Variants in ZNF185 observed in about 807,000 individuals in gnomAD.
ZNF185 encodes the protein zinc finger protein 185 with LIM domain, also known as zinc finger protein 185.
A neutral mutation model predicts 58.6 loss-of-function variants in ZNF185; 56 were observed. The ratio of observed to expected loss-of-function variants is 0.95; its 90% CI spans 0.77 to 1.19. The LOEUF is 1.19. Ranked by LOEUF, ZNF185 falls within the 50% of genes most tolerant of loss-of-function variation. ZNF185 has a pLI of 0.00. For synonymous variants in ZNF185, 230 were observed against 215.9 expected, an observed-to-expected ratio of 1.07 and a Z score of -0.57; for missense variants, 627 against 573.5, an observed-to-expected ratio of 1.09 and a Z score of -0.95.
chrX:152,901,272 C>T, the ZNF185 span, among the ~76,000 whole-genome samples: 1 of 100,335 alleles, frequency 1.0e-5, no homozygotes, highest in Admixed American at 1.1e-4. Context: ...GCTGGGGTCT[C>T]GCCTTGTCAC....
At chrX:152,953,297 T>C (rs181786788) in intron 16 of ZNF185, among the ~76,000 whole-genome samples, 2 of 112,133 alleles carry the variant, frequency 1.8e-5, no homozygotes, top group South Asian at 3.7e-4. Context: ...GGAAGAGTTC[T>C]GTCTGCGAAG....
intron 15 of ZNF185, among the ~76,000 whole-genome samples, chrX:152,944,519 G>T (rs2047576344): frequency 8.9e-6 from 1 of 112,487 alleles, no homozygotes. Flanking sequence ...GCACCTCGGT[G>T]TGGGGCTGGT....
chrX:152,945,889 CAG>C (rs1176339345), intron 16 of ZNF185, among the ~76,000 whole-genome samples: 1 of 111,544 alleles, frequency 9.0e-6, no homozygotes, highest in African/African-American at 3.3e-5. Flanking sequence ...GCAAAAGTGA[CAG>C]AGTGAAGCAG....
chrX:152,929,559 AC>A (rs1196313315), intron 12 of ZNF185, among the ~76,000 whole-genome samples: 1 of 110,538 alleles, frequency 9.0e-6, no homozygotes, highest in Non-Finnish European at 1.9e-5. Context: ...AGGTCCCTTT[AC>A]CCTCCTCCTT....
intron 3 of ZNF185, among the ~76,000 whole-genome samples, chrX:152,915,874 C>T (rs1938354918): frequency 8.9e-6 from 1 of 112,169 alleles, no homozygotes. Flanking sequence ...AAACAGCCGG[C>T]AGGCGGCTTC....
rs781896733 is a variant in ZNF185 at position 152,963,822 on chromosome X, C to G, written c.1608-17C>G. 36 of 1,200,295 alleles carry G rather than the reference C, an allele frequency of 3.0e-5. No individual in the cohort carries two copies. The Admixed American group carries it at 4.9e-4, about 16-fold the overall frequency. On this transcript the variant is annotated splice_polypyrimidine_tract_variant and intron_variant, in intron 17 of 22. Coordinates refer to ENST00000449285, the Ensembl canonical transcript of ZNF185. The stretch of plus-strand genomic sequence containing the variant: ...CTCCCAGGTTGACGTGCCCACCCCT[C>G]CCTTTATTTCTTTCAGGGTGAGGAG...
At chrX:152,922,115 C>T in intron 9 of ZNF185, 58 bp from the exon 11 acceptor site, 1 of 1,125,044 alleles carries the variant, frequency 8.9e-7, no homozygotes, top group Non-Finnish European at 1.2e-6. Context: ...TCTTTGAGGC[C>T]TCCAAGCTCT....
rs781855472 is a variant in ZNF185, at chrX:152,922,272, C to T, written c.740+16C>T. The T allele has an allele frequency of 4.2e-5, 49 of 1,162,178 alleles. No individual in the cohort carries two copies. The South Asian group carries it at 9.0e-4, about 21-fold the overall frequency. Reference sequence around the variant, plus strand: ...GCTCAAACAGGTAATCCATTGCGCTCATCTCTGCCTGGGGCTGGTGGCTGC... The same window carrying T: ...GCTCAAACAGGTAATCCATTGCGCTTATCTCTGCCTGGGGCTGGTGGCTGC... On this transcript the variant is annotated intron_variant, in intron 10 of 22. Coordinates refer to ENST00000449285, the Ensembl canonical transcript of ZNF185.
chrX:152,920,655 T>C, intron 8 of ZNF185, 52 bp from the exon 10 acceptor site: 1 of 1,207,342 alleles, frequency 8.3e-7, no homozygotes, highest in East Asian at 3.0e-5. Flanking sequence ...GGTCTTGATG[T>C]CACCTGCCCA....
chrX:152,921,370 G>A (rs1382565515), intron 9 of ZNF185, among the ~76,000 whole-genome samples: 1 of 111,295 alleles, frequency 9.0e-6, no homozygotes, highest in African/African-American at 3.3e-5. Context: ...GCTGGGGACT[G>A]CAAACCCAAG....
At chrX:152,929,027 T>C (rs1556875048) in intron 12 of ZNF185, among the ~76,000 whole-genome samples, 1 of 110,694 alleles carries the variant, frequency 9.0e-6, no homozygotes, top group Non-Finnish European at 1.9e-5. Context: ...AGCTCAACCC[T>C]GCCAATTGCT....
At chrX:152,957,018 T>A (rs34181726) in intron 16 of ZNF185, among the ~76,000 whole-genome samples, 2 of 110,177 alleles carry the variant, frequency 1.8e-5, no homozygotes, top group Admixed American at 1.9e-4. Flanking sequence ...TGGAAAAACC[T>A]AATAATACCC....
chrX:152,922,196 G>A (rs781991713), exon 10 of ZNF185: 1 of 1,195,635 alleles, frequency 8.4e-7, no homozygotes, highest in Middle Eastern at 2.3e-4. Context: ...GAAGAGGACG[G>A]GCCTTCTGAG....
chrX:152,917,457 G>A, intron 5 of ZNF185, 95 bp downstream of exon 6: 1 of 1,038,532 alleles, frequency 9.6e-7, no homozygotes, highest in South Asian at 2.0e-5. Flanking sequence ...TATCAGGACT[G>A]TGGGGCCTTG....
chrX:152,923,862 T>C (rs1249819870), intron 11 of ZNF185, among the ~76,000 whole-genome samples: 2 of 111,534 alleles, frequency 1.8e-5, no homozygotes, highest in Non-Finnish European at 3.8e-5. Flanking sequence ...CAGGCTGGGG[T>C]TGGGGACCCC....
intron 15 of ZNF185, among the ~76,000 whole-genome samples, chrX:152,939,701 C>G (rs1389896577): frequency 9.0e-6 from 1 of 110,556 alleles, no homozygotes; most frequent in Non-Finnish European, 1.9e-5. Flanking sequence ...AGGAACAGAG[C>G]CCAGATCCAG....
At chrX:152,962,289 A>AT (rs1237532218) in intron 17 of ZNF185, among the ~76,000 whole-genome samples, 1 of 109,498 alleles carries the variant, frequency 9.1e-6, no homozygotes, top group Non-Finnish European at 1.9e-5. Flanking sequence ...TGCCCAGGGC[A>AT]TTTTTTCTTT....
chrX:152,899,604 G>A, the ZNF185 span, among the ~76,000 whole-genome samples: 17 of 112,911 alleles, frequency 1.5e-4, no homozygotes, highest in African/African-American at 4.5e-4. Flanking sequence ...CGCAGCAGGT[G>A]CTCAAGATCT....
In ZNF185 at chrX:152,970,296, T is replaced by C. The variant is rs890428665; in HGVS notation, c.1975-147T>C. On this transcript the variant is annotated intron_variant, in intron 21 of 22. Coordinates refer to ENST00000449285, the Ensembl canonical transcript of ZNF185. ...ATTTTGTGATGTTTTTTGTATTATTTTGTGATGTTTGCAAGTCCTGAGGTC... is the reference window on the plus strand; with the variant it reads ...ATTTTGTGATGTTTTTTGTATTATTCTGTGATGTTTGCAAGTCCTGAGGTC... 3 of 455,305 alleles carry C rather than the reference T, an allele frequency of 6.6e-6. No individual in the cohort carries two copies. The African/African-American group carries it at 7.4e-5, about 11-fold the overall frequency. 37.5% of individuals were successfully genotyped at this position (455,305 alleles called of 1,213,427 possible). A position where few individuals can be genotyped will look rare whatever the true frequency, so the allele number is the denominator to read the frequency against.
Sources: allele counts gnomAD v4.1 joint callset (sites outside exome capture counted in the v4.1 genomes callset), GRCh38; gene constraint gnomAD v4.1.1; transcripts MANE v1.5; gene names NCBI Gene and HGNC (gene_info 2026-07-23, HGNC 2026-07-21).